Variants in ZNF571 observed in about 807,000 individuals in gnomAD.
The protein encoded by ZNF571 is zinc finger protein 571.
In ZNF571, 4 loss-of-function variants were observed where a neutral mutation model predicts 7.7. That is an observed-to-expected ratio of 0.52 (90% CI 0.25 to 1.18). The LOEUF is 1.18. Ranked by LOEUF, ZNF571 falls within the 50% of genes most tolerant of loss-of-function variation. The pLI, the probability that ZNF571 is intolerant of heterozygous loss-of-function variation, is 0.14. For synonymous variants in ZNF571, 251 were observed against 232.4 expected (o/e 1.08, Z -0.73); for missense variants, 704 against 726.9 (o/e 0.97, Z 0.36).
In ZNF571 at chr19:37,566,007, A is replaced by C. The variant is rs763065344; in HGVS notation, c.421T>G (p.Cys141Gly). The C allele has an allele frequency of 1.9e-6, 3 of 1,614,020 alleles. No homozygotes were observed. The highest frequency in any genetic ancestry group is 2.5e-6 in the Non-Finnish European group (3 of 1,179,922). The change falls in exon 4 of 4, where the codon TGT becomes GGT. Residue 141 changes from cysteine (C) to glycine (G), a missense_variant. Physicochemically the swap from Cys to Gly is radical, Grantham distance 159 (BLOSUM62 -3). Coordinates refer to ENST00000451802, the MANE Select transcript of ZNF571 (RefSeq NM_016536.5). ...CTGAAACCTTGTCTGCATTCCTTAC[A>C]TTTGTACAATTTTTCCTTGGTAGGA... ...IIPTKEKLYK[C>G]KECRQGFSYL...
Position 37,565,568 on chromosome 19 carries a change from G to A in ZNF571, c.860C>T (p.Ala287Val), listed in dbSNP as rs2042825194. 1 of 1,613,482 alleles carries A rather than the reference G, an allele frequency of 6.2e-7. No homozygotes were observed. Among genetic ancestry groups the A allele is most frequent in the Non-Finnish European group, 8.5e-7 (1 of 1,179,842 alleles). Reference sequence around the variant, plus strand: ...AGTAAGTTGAGAGCCAAGAATAAAGGCCTTCCCACAATCCTTACATTCATA... The same window carrying A: ...AGTAAGTTGAGAGCCAAGAATAAAGACCTTCCCACAATCCTTACATTCATA... Reference protein sequence around the residue: ...KPYECKDCGKAFILGSQLTYH... With the variant: ...KPYECKDCGKVFILGSQLTYH... Residue 287 changes from alanine (A) to valine (V), a missense_variant, in exon 4 of 4, where the codon GCC becomes GTC. Physicochemically the swap from Ala to Val is moderately conservative, Grantham distance 64. Transcript: ENST00000451802.
At chr19:37,592,780 G>A (rs2043905116) in intron 1 of ZNF571, among the ~76,000 whole-genome samples, 1 of 151,352 alleles carries the variant, frequency 6.6e-6, no homozygotes, top group South Asian at 2.1e-4. Context: ...ATGAAGGAAC[G>A]GAAAACAAAT....
chr19:37,573,542 C>T lies in ZNF571; in HGVS notation c.137-7251G>A, dbSNP rs2169797. 3.5e-3 allele frequency among the ~76,000 whole-genome samples: 528 copies of T among 151,978 alleles called. 9 individuals are homozygous for T. The East Asian group carries it at 0.037, about 11-fold the overall frequency. On this transcript the variant is annotated intron_variant, in intron 3 of 3. Coordinates refer to ENST00000451802, the MANE Select transcript of ZNF571 (RefSeq NM_016536.5). ...TTTTATCTACTAATTGAAAATAAAA[C>T]ACAGTGGGGTGCAGTGGTTCACAAC...
Position 37,586,704 on chromosome 19 carries a change from G to T in ZNF571, c.-28C>A. On this transcript the variant is annotated 5_prime_UTR_variant, in exon 2 of 4. Coordinates refer to ENST00000451802, the MANE Select transcript of ZNF571 (RefSeq NM_016536.5). ...TTTTTTAGAACTGATCAATTTTCTGGGTTCTTCTCCTGGAGGTGTGCAAAG... is the reference window on the plus strand; with the variant it reads ...TTTTTTAGAACTGATCAATTTTCTGTGTTCTTCTCCTGGAGGTGTGCAAAG... 1 of 1,613,940 alleles carries T rather than the reference G, an allele frequency of 6.2e-7. No homozygotes were observed. Among genetic ancestry groups the T allele is most frequent in the Non-Finnish European group, 8.5e-7 (1 of 1,179,916 alleles).
chr19:37,592,860 G>A (rs183106329), intron 1 of ZNF571, among the ~76,000 whole-genome samples: 4 of 152,318 alleles, frequency 2.6e-5, no homozygotes, highest in Non-Finnish European at 5.9e-5. Flanking sequence ...AGATGATCTA[G>A]TTTTTCTACA....
chr19:37,594,697 A>C, intron 1 of ZNF571, 44 bp downstream of exon 1: 1 of 152,436 alleles, frequency 6.6e-6, no homozygotes, highest in Admixed American at 6.5e-5. Flanking sequence ...TCGATGAAGC[A>C]ACCCAAAAGC....
At chr19:37,588,169 T>C (rs1330001021) in intron 1 of ZNF571, among the ~76,000 whole-genome samples, 1 of 145,108 alleles carries the variant, frequency 6.9e-6, no homozygotes. Flanking sequence ...GATATAAAGA[T>C]GTTAACCTCT....
intron 3 of ZNF571, 60 bp from the exon 4 acceptor site, chr19:37,566,351 A>G (rs2042860053): frequency 4.0e-6 from 6 of 1,508,970 alleles, no homozygotes; most frequent in Non-Finnish European, 5.3e-6. Context: ...TAAAAATTCT[A>G]TGGTAAAAAT....
At chr19:37,582,035 C>T (rs1199773097) in intron 3 of ZNF571, among the ~76,000 whole-genome samples, 1 of 152,076 alleles carries the variant, frequency 6.6e-6, no homozygotes, top group East Asian at 1.9e-4. Context: ...TCTAATCACA[C>T]TTCTTTCCCC....
At chr19:37,586,893 A>C (rs2043692632) in intron 1 of ZNF571, 148 bp from the exon 2 acceptor site, 1 of 592,956 alleles carries the variant, frequency 1.7e-6, no homozygotes, top group East Asian at 2.9e-5. Flanking sequence ...CTACTGCAGA[A>C]GGGGTTCAGG....
chr19:37,580,188 T>G (rs2043402602), intron 3 of ZNF571, among the ~76,000 whole-genome samples: 1 of 152,234 alleles, frequency 6.6e-6, no homozygotes, highest in Admixed American at 6.5e-5. Flanking sequence ...CCAGCTATAT[T>G]ATCAGGTTTA....
intron 3 of ZNF571, chr19:37,575,420 C>A (rs1392722108): frequency 6.6e-6 from 1 of 152,156 alleles, no homozygotes; most frequent in East Asian, 1.9e-4. Flanking sequence ...TACATTAAAT[C>A]CTTATATTTT....
chr19:37,572,031 CCTAT>C (rs1476355903), intron 3 of ZNF571, among the ~76,000 whole-genome samples: 3 of 8,258 alleles, frequency 3.6e-4, no homozygotes, highest in Admixed American at 1.2e-3. Context: ...GTACATTAGT[CCTAT>C]CTATCAATCA....
intron 1 of ZNF571, among the ~76,000 whole-genome samples, chr19:37,589,468 A>G (rs1301009096): frequency 1.3e-5 from 2 of 150,722 alleles, no homozygotes; most frequent in Middle Eastern, 3.5e-3. Flanking sequence ...ATTATTTTAA[A>G]TGGACAACAG....
intron 3 of ZNF571, among the ~76,000 whole-genome samples, chr19:37,570,746 C>T (rs1158415240): frequency 1.3e-5 from 2 of 152,182 alleles, no homozygotes; most frequent in Non-Finnish European, 2.9e-5. Context: ...TAATAACCTA[C>T]TACTGAATTC....
At chr19:37,586,889 C>T in intron 1 of ZNF571, 144 bp from the exon 2 acceptor site, 1 of 596,388 alleles carries the variant, frequency 1.7e-6, no homozygotes, top group Non-Finnish European at 3.0e-6. Context: ...CCAGCTACTG[C>T]AGAAGGGGTT....
chr19:37,575,659 C>T (rs2043217643), intron 3 of ZNF571: 1 of 152,158 alleles, frequency 6.6e-6, no homozygotes, highest in South Asian at 2.1e-4. Flanking sequence ...CCCATTCATT[C>T]CTCTTTAATA....
At position 37,586,726 on chromosome 19, in the gene ZNF571, A is replaced by G; in HGVS notation, c.-50T>C. The G allele has an allele frequency of 1.2e-6, 2 of 1,612,294 alleles. No individual in the cohort carries two copies. Among genetic ancestry groups the G allele is most frequent in the South Asian group, 2.2e-5 (2 of 90,920 alleles). On this transcript the variant is annotated 5_prime_UTR_variant, in exon 2 of 4. Transcript: ENST00000451802. ...CTGGGTTCTTCTCCTGGAGGTGTGC[A>G]AAGTCCAGAGAAGCCAGTGCTGGAC... is the stretch of plus-strand genomic sequence containing the variant.
intron 3 of ZNF571, among the ~76,000 whole-genome samples, chr19:37,581,949 A>G (rs907500302): frequency 6.6e-6 from 1 of 152,174 alleles, no homozygotes; most frequent in African/African-American, 2.4e-5. Flanking sequence ...CACCATAATT[A>G]ACATTTTGCC....
Sources: gnomAD v4.1 joint callset for allele counts (sites outside exome capture counted in the v4.1 genomes callset) on GRCh38, gnomAD v4.1.1 for gene constraint, MANE v1.5 for transcripts, NCBI Gene and HGNC (gene_info 2026-07-23, HGNC 2026-07-21) for gene names.